ZFYVE9: variants seen among roughly 807,000 people sequenced by gnomAD.
ZFYVE9 encodes zinc finger FYVE-type containing 9.
Under a neutral mutation model 126.7 loss-of-function variants are expected in ZFYVE9, and 43 were observed. That is an observed-to-expected ratio of 0.34 (90% CI 0.27 to 0.44). ZFYVE9 has a LOEUF of 0.44. Among genes scored for constraint, ZFYVE9 ranks in the 20% least tolerant of loss-of-function variants. The pLI, the probability that ZFYVE9 is intolerant of heterozygous loss-of-function variation, is 1.00. For synonymous variants in ZFYVE9, 521 were observed against 597.4 expected (o/e 0.87, Z 1.87); for missense variants, 1,476 against 1,697.0 (o/e 0.87, Z 2.29).
intron 1 of ZFYVE9, among the ~76,000 whole-genome samples, chr1:52,203,701 C>T (rs1041726330): frequency 1.8e-4 from 8 of 45,448 alleles, no homozygotes; most frequent in Admixed American, 3.5e-4. Context: ...GTATGTTACA[C>T]CCTTTGTAGT....
chr1:52,182,348 G>T (rs1232126514), intron 1 of ZFYVE9, among the ~76,000 whole-genome samples: 2 of 152,050 alleles, frequency 1.3e-5, no homozygotes, highest in East Asian at 3.9e-4. Context: ...TCAGATGGTT[G>T]CTGTGTCTGT....
rs12032812 is a variant in ZFYVE9 at position 52,217,197 on chromosome 1, A to G, written c.-37+723A>G. On this transcript the variant is annotated intron_variant, in intron 2 of 18. Transcript: ENST00000287727. ...ACCCTAACACAGTTCCTGTTTCTGT[A>G]TCTTTTCCCTATTGGCTAGGGTTGG... Among the ~76,000 whole-genome samples the G allele has an allele frequency of 9.2e-3, 1,403 of 152,308 alleles. 65 individuals carry two copies. In the East Asian group the frequency reaches 0.12, roughly 13 times the overall value.
intron 1 of ZFYVE9, among the ~76,000 whole-genome samples, chr1:52,194,377 T>TA (rs368842564): frequency 0.012 from 1,874 of 151,260 alleles, 34 homozygotes; most frequent in African/African-American, 0.043. Flanking sequence ...GACCTTCATA[T>TA]AAAAAAAAAC....
intron 17 of ZFYVE9, among the ~76,000 whole-genome samples, chr1:52,344,392 A>T (rs908581490): frequency 6.6e-6 from 1 of 152,256 alleles, no homozygotes; most frequent in African/African-American, 2.4e-5. Flanking sequence ...TATAAGAGCC[A>T]TTCTCTTAGA....
At chr1:52,200,115 C>T (rs958283614) in intron 1 of ZFYVE9, among the ~76,000 whole-genome samples, 21 of 151,576 alleles carry the variant, frequency 1.4e-4, no homozygotes, top group Non-Finnish European at 2.8e-4. Flanking sequence ...AGTATGTTCT[C>T]CCAGTCTGTG....
At chr1:52,191,775 A>G (rs778137590) in intron 1 of ZFYVE9, among the ~76,000 whole-genome samples, 1 of 152,218 alleles carries the variant, frequency 6.6e-6, no homozygotes, top group Non-Finnish European at 1.5e-5. Context: ...CTGTAAGGCT[A>G]GATCACCAAG....
intron 13 of ZFYVE9, among the ~76,000 whole-genome samples, chr1:52,319,783 G>A (rs1646221052): frequency 6.6e-6 from 1 of 151,026 alleles, no homozygotes; most frequent in Non-Finnish European, 1.5e-5. Flanking sequence ...GGGAGGCCAA[G>A]GTGGGCAGAT....
intron 4 of ZFYVE9, among the ~76,000 whole-genome samples, chr1:52,243,332 G>A (rs1572129692): frequency 6.6e-6 from 1 of 152,182 alleles, no homozygotes. Context: ...ATAAAAAATG[G>A]GGGTGGGAGA....
At chr1:52,182,403 T>G (rs909706450) in intron 1 of ZFYVE9, among the ~76,000 whole-genome samples, 2 of 152,080 alleles carry the variant, frequency 1.3e-5, no homozygotes, top group Admixed American at 6.5e-5. Context: ...TGTTCTGTAC[T>G]AAGAAAAATT....
chr1:52,317,261 G>A (rs773250915), intron 13 of ZFYVE9, among the ~76,000 whole-genome samples: 8 of 152,144 alleles, frequency 5.3e-5, no homozygotes, highest in Non-Finnish European at 1.2e-4. Flanking sequence ...GCTCATGCCT[G>A]TAATCTCAGC....
chr1:52,161,378 C>T (rs1003662626), intron 1 of ZFYVE9, among the ~76,000 whole-genome samples: 15 of 152,328 alleles, frequency 9.8e-5, no homozygotes, highest in African/African-American at 3.4e-4. Context: ...CAACCTCCGC[C>T]TCCTGGGTTC....
At chr1:52,333,289 T>TAA (rs71579928) in intron 14 of ZFYVE9, among the ~76,000 whole-genome samples, 4 of 132,536 alleles carry the variant, frequency 3.0e-5, no homozygotes, top group Admixed American at 7.7e-5. Flanking sequence ...GTATAATAAT[T>TAA]AAAAAAAAAA....
At chr1:52,152,862 G>C (rs564237867) in intron 1 of ZFYVE9, among the ~76,000 whole-genome samples, 17 of 152,346 alleles carry the variant, frequency 1.1e-4, no homozygotes, top group African/African-American at 4.1e-4. Context: ...ACGTTGAAAT[G>C]GATGTAGTAG....
chr1:52,205,535 A>AT (rs71577261), intron 1 of ZFYVE9, among the ~76,000 whole-genome samples: 31,989 of 142,288 alleles, frequency 0.22, 6,394 homozygotes, highest in African/African-American at 0.55. Flanking sequence ...GGCTAATTAA[A>AT]TTTTTTTTTT....
intron 17 of ZFYVE9, among the ~76,000 whole-genome samples, chr1:52,344,017 G>A (rs981647232): frequency 6.6e-6 from 1 of 151,376 alleles, no homozygotes; most frequent in African/African-American, 2.4e-5. Flanking sequence ...GGTTGCAGTG[G>A]GCAGAGGTCA....
At chr1:52,320,104 C>T (rs1646225277) in intron 13 of ZFYVE9, among the ~76,000 whole-genome samples, 1 of 147,758 alleles carries the variant, frequency 6.8e-6, no homozygotes, top group South Asian at 2.1e-4. Flanking sequence ...GAGGTTCGCT[C>T]TTGTTGCCCA....
At chr1:52,148,355 G>A (rs1644323590) in intron 1 of ZFYVE9, among the ~76,000 whole-genome samples, 1 of 151,916 alleles carries the variant, frequency 6.6e-6, no homozygotes, top group Middle Eastern at 3.4e-3. Context: ...CTATATGGTG[G>A]CAGATACCTG....
At chr1:52,224,372 G>C (rs762697356) in intron 2 of ZFYVE9, among the ~76,000 whole-genome samples, 1 of 152,114 alleles carries the variant, frequency 6.6e-6, no homozygotes, top group African/African-American at 2.4e-5. Context: ...AGGGGAAGGT[G>C]GTCTAGAGGA....
chr1:52,176,929 G>C (rs1644637790), intron 1 of ZFYVE9, among the ~76,000 whole-genome samples: 1 of 152,108 alleles, frequency 6.6e-6, no homozygotes, highest in Non-Finnish European at 1.5e-5. Flanking sequence ...GGAACTCCCT[G>C]ACTCCTTGCG....
Sources: gnomAD v4.1 joint callset for allele counts (sites outside exome capture counted in the v4.1 genomes callset) on GRCh38, gnomAD v4.1.1 for gene constraint, MANE v1.5 for transcripts, NCBI Gene and HGNC (gene_info 2026-07-23, HGNC 2026-07-21) for gene names.